The following KPNA1 variants were observed in gnomAD, a reference collection of about 807,000 sequenced individuals.
KPNA1 encodes importin subunit alpha-5.
In KPNA1, 10 loss-of-function variants were observed where a neutral mutation model predicts 70.5. The observed-to-expected ratio is 0.14, with a 90% CI of 0.09 to 0.24. The LOEUF (loss-of-function observed/expected upper bound fraction) is 0.24. Ranked by LOEUF, KPNA1 falls within the 10% of genes least tolerant of loss-of-function variation. KPNA1 has a pLI of 1.00. For synonymous variants in KPNA1, 192 were observed against 221.9 expected (o/e 0.87, Z 1.20); for missense variants, 397 against 637.9 (o/e 0.62, Z 4.07).
chr3:122,463,414 G>A (rs1281042271), intron 4 of KPNA1, among the ~76,000 whole-genome samples: 4 of 151,026 alleles, frequency 2.6e-5, no homozygotes, highest in South Asian at 2.1e-4. Flanking sequence ...CCAGCTACTC[G>A]GGAGACTGAG....
chr3:122,501,691 A>G (rs992952281), intron 1 of KPNA1, among the ~76,000 whole-genome samples: 1 of 152,166 alleles, frequency 6.6e-6, no homozygotes, highest in Non-Finnish European at 1.5e-5. Context: ...TTGAAAATAC[A>G]TATTTTTGAC....
At chr3:122,471,806 G>A (rs553133668) in intron 2 of KPNA1, among the ~76,000 whole-genome samples, 3 of 152,144 alleles carry the variant, frequency 2.0e-5, no homozygotes, top group Non-Finnish European at 4.4e-5. Context: ...AAAAGAAAGC[G>A]GAGTTGTCCG....
rs2076999302 is a variant in KPNA1, at chr3:122,514,743, G to T, written c.-6+14C>A. The T allele has an allele frequency of 6.6e-6, 1 of 152,338 alleles. No homozygotes were observed. The highest frequency in any genetic ancestry group is 1.5e-5 in the Non-Finnish European group (1 of 68,258). The allele number at this position is 152,338 out of a possible 1,614,324, so 9.4% of individuals were successfully genotyped here. On this transcript the variant is annotated intron_variant, in intron 1 of 13. Coordinates refer to ENST00000344337, the MANE Select transcript of KPNA1 (RefSeq NM_002264.4). ...GAGGGGGAGGGGCCGGGGCCGCAAG[G>T]CCCCAGCACTCACCAGGCTCAAGGC... is the stretch of plus-strand genomic sequence containing the variant.
rs112486731 is a variant in KPNA1, at chr3:122,449,670, G to A, written c.821C>T (p.Ala274Val). ...FVSDTDVLAD[A>V]CWALSYLSDG... ...TGATAGATATGAGAGGGCCCAGCAGGCATCAGCCAGTACATCAGTGTCACT... is the reference window on the plus strand; with the variant it reads ...TGATAGATATGAGAGGGCCCAGCAGACATCAGCCAGTACATCAGTGTCACT... Residue 274 changes from alanine to valine, a missense_variant, in exon 9 of 14, where the codon GCC (alanine) becomes GTC (valine). Coordinates refer to ENST00000344337, the MANE Select transcript of KPNA1 (RefSeq NM_002264.4). 2 of 1,613,702 alleles carry A rather than the reference G, an allele frequency of 1.2e-6. No homozygotes were observed. The highest frequency in any genetic ancestry group is 2.2e-5 in the East Asian group (1 of 44,854).
At chr3:122,436,256 TGATAA>T (rs1237127450) in intron 11 of KPNA1, among the ~76,000 whole-genome samples, 2 of 152,250 alleles carry the variant, frequency 1.3e-5, no homozygotes, top group African/African-American at 2.4e-5. Flanking sequence ...CCCTGTCTCC[TGATAA>T]GATGTTATCG....
intron 9 of KPNA1, among the ~76,000 whole-genome samples, chr3:122,442,523 G>C (rs1381003207): frequency 3.3e-5 from 5 of 152,164 alleles, no homozygotes; most frequent in Admixed American, 2.0e-4. Context: ...AGACGTAAAA[G>C]TGACACATCA....
chr3:122,453,352 G>T (rs540100079), intron 6 of KPNA1, among the ~76,000 whole-genome samples: 1 of 152,134 alleles, frequency 6.6e-6, no homozygotes, highest in Non-Finnish European at 1.5e-5. Flanking sequence ...TTTGGAAGGG[G>T]AAGATTATTT....
In KPNA1 at chr3:122,427,102, A is replaced by C; in HGVS notation, c.1500T>G (p.Ile500Met). The C allele has an allele frequency of 6.2e-7, 1 of 1,614,178 alleles. No homozygotes were observed. The highest frequency in any genetic ancestry group is 8.5e-7 in the Non-Finnish European group (1 of 1,179,980). Reference sequence around the variant, plus strand: ...CATCTTCGGTCCCGAAGTAATGCTCAATAAGATCAAAGGCCTTTTGGTAGA... The same window carrying C: ...CATCTTCGGTCCCGAAGTAATGCTCCATAAGATCAAAGGCCTTTTGGTAGA... ...QEIYQKAFDLIEHYFGTEDED... is the reference protein window; with the variant it reads ...QEIYQKAFDLMEHYFGTEDED... Residue 500 changes from isoleucine (I) to methionine (M), a missense_variant, in exon 14 of 14, where the codon ATT (isoleucine) becomes ATG (methionine). Transcript: ENST00000344337.
intron 12 of KPNA1, chr3:122,433,074 CTCAA>C (rs1031321528): frequency 4.6e-5 from 7 of 152,424 alleles, no homozygotes; most frequent in Admixed American, 6.5e-5. Context: ...GAGACTCCAT[CTCAA>C]TCAGTCAATC....
intron 2 of KPNA1, among the ~76,000 whole-genome samples, chr3:122,477,876 T>C (rs910543526): frequency 2.8e-5 from 4 of 143,100 alleles, no homozygotes; most frequent in Admixed American, 2.1e-4. Flanking sequence ...AAAAAAAAAA[T>C]GTCCAGGCTG....
intron 4 of KPNA1, among the ~76,000 whole-genome samples, chr3:122,463,390 G>A (rs1406383682): frequency 4.6e-5 from 7 of 151,080 alleles, no homozygotes; most frequent in East Asian, 1.9e-4. Flanking sequence ...GGGTGGTGGC[G>A]TGTAACTGTA....
At chr3:122,479,355 C>T (rs1183306033) in intron 2 of KPNA1, among the ~76,000 whole-genome samples, 1 of 152,200 alleles carries the variant, frequency 6.6e-6, no homozygotes, top group Non-Finnish European at 1.5e-5. Context: ...AAAACCACTG[C>T]TAACACCAAA....
intron 5 of KPNA1, among the ~76,000 whole-genome samples, chr3:122,455,763 T>TCAG (rs1470535558): frequency 6.6e-6 from 1 of 152,070 alleles, no homozygotes; most frequent in African/African-American, 2.4e-5. Context: ...ATCATGTTTG[T>TCAG]CAGGCTGGCC....
At chr3:122,441,887 G>C (rs2076067947) in intron 10 of KPNA1, 151 bp downstream of exon 10, 1 of 698,142 alleles carries the variant, frequency 1.4e-6, no homozygotes, top group East Asian at 2.6e-5. Context: ...AGGCGTGAGT[G>C]ACCGCCCCCG....
At chr3:122,478,683 G>A (rs1170368301) in intron 2 of KPNA1, among the ~76,000 whole-genome samples, 6 of 149,516 alleles carry the variant, frequency 4.0e-5, no homozygotes, top group Admixed American at 6.7e-5. Flanking sequence ...AGCCAAGATC[G>A]CGCCACTGCA....
intron 2 of KPNA1, among the ~76,000 whole-genome samples, chr3:122,476,113 A>G (rs562519088): frequency 5.1e-4 from 77 of 152,348 alleles, no homozygotes; most frequent in African/African-American, 1.8e-3. Context: ...GGAATAGAAT[A>G]AACAGCCCAG....
chr3:122,484,246 A>G (rs1316216457), intron 2 of KPNA1, among the ~76,000 whole-genome samples: 1 of 152,228 alleles, frequency 6.6e-6, no homozygotes, highest in Non-Finnish European at 1.5e-5. Flanking sequence ...ACTCACTGGA[A>G]TAACTGTTTA....
chr3:122,513,400 C>T (rs1364297007), intron 1 of KPNA1, among the ~76,000 whole-genome samples: 2 of 152,202 alleles, frequency 1.3e-5, no homozygotes, highest in Non-Finnish European at 2.9e-5. Context: ...TACAACAGAA[C>T]TCATTCTTAC....
At position 122,426,038 on chromosome 3, in the gene KPNA1, T is replaced by C. The variant is rs1363507477; in HGVS notation, c.*947A>G. 6.6e-6 allele frequency: 1 copy of C among 152,516 alleles called. No individual in the cohort carries two copies. The highest frequency in any genetic ancestry group is 2.4e-5 in the African/African-American group (1 of 41,458). The allele number at this position is 152,516 out of a possible 1,614,324, so 9.4% of individuals were successfully genotyped here. On this transcript the variant is annotated 3_prime_UTR_variant, in exon 14 of 14. Coordinates refer to ENST00000344337, the MANE Select transcript of KPNA1 (RefSeq NM_002264.4). The stretch of plus-strand genomic sequence containing the variant: ...TCAGGACCACAAAGCCTGAAACATT[T>C]ATTTTAATGCAGAAACACAGCCCCT...
Sources: gnomAD v4.1 joint callset for allele counts (sites outside exome capture counted in the v4.1 genomes callset) on GRCh38, gnomAD v4.1.1 for gene constraint, MANE v1.5 for transcripts, NCBI Gene and HGNC (gene_info 2026-07-23, HGNC 2026-07-21) for gene names.